Variants in RASAL3 observed in about 807,000 individuals in gnomAD.
RASAL3 encodes RAS protein activator like-3.
A neutral mutation model predicts 105.5 loss-of-function variants in RASAL3; 74 were observed. That is an observed-to-expected ratio of 0.70 (90% CI 0.58 to 0.85). RASAL3 has a LOEUF of 0.85. Among genes scored for constraint, RASAL3 ranks in the 40% least tolerant of loss-of-function variants. RASAL3 has a pLI of 0.00. For synonymous variants in RASAL3, 579 were observed against 591.6 expected, an observed-to-expected ratio of 0.98 and a Z score of 0.31; for missense variants, 1,352 against 1,392.0, an observed-to-expected ratio of 0.97 and a Z score of 0.46.
chr19:15,455,015 C>T, intron 11 of RASAL3, 122 bp from the exon 12 acceptor site: 1 of 720,044 alleles, frequency 1.4e-6, no homozygotes, highest in East Asian at 2.7e-5. Flanking sequence ...GAGAGCTATT[C>T]ATGAAGCCCA....
At chr19:15,460,583 T>G (rs1599748861) in intron 5 of RASAL3, among the ~76,000 whole-genome samples, 1 of 152,182 alleles carries the variant, frequency 6.6e-6, no homozygotes, top group Non-Finnish European at 1.5e-5. Flanking sequence ...GGACTTGCTA[T>G]GTTGCCCAGG....
At chr19:15,464,484 C>G (rs1970619620) in intron 1 of RASAL3, 21 bp downstream of exon 1, 3 of 919,050 alleles carry the variant, frequency 3.3e-6, no homozygotes, top group Non-Finnish European at 4.9e-6. Context: ...CCCCTGCCCC[C>G]ACCTCCACTC....
In RASAL3 at chr19:15,456,306, C is replaced by T; in HGVS notation, c.1577-58G>A. 5.6e-6 allele frequency: 9 copies of T among 1,593,582 alleles called. No individual in the cohort carries two copies. The highest frequency in any genetic ancestry group is 7.7e-6 in the Non-Finnish European group (9 of 1,166,852). ...GCCATGACCACCAAAACCTGCCACACCCATCCTCCAACCTTGTCTTCAGGT... is the reference window on the plus strand; with the variant it reads ...GCCATGACCACCAAAACCTGCCACATCCATCCTCCAACCTTGTCTTCAGGT... On this transcript the variant is annotated intron_variant, in intron 10 of 17. Coordinates refer to ENST00000343625, the MANE Select transcript of RASAL3 (RefSeq NM_022904.3). This position sits in a 1 kb window ranked among gnomAD's most constrained non-coding sequence, Gnocchi z 4.4.
Position 15,453,145 on chromosome 19 carries a change from G to T in RASAL3, c.2632C>A (p.Arg878=). The change falls in exon 15 of 18, where the codon CGA becomes AGA. Residue 878 remains arginine (R), a synonymous_variant. Transcript: ENST00000343625. This position sits in a 1 kb window ranked among gnomAD's most constrained non-coding sequence, Gnocchi z 4.2. ...CGGTGCGTGCCCAGTGCCTGGTTTC[G>T]GTCTTGCGGCTGGTCCATTTGGCGC... ...WQRQMDQPQD[R]NQALGTHRPV... The T allele has an allele frequency of 6.2e-7, 1 of 1,613,680 alleles. No homozygotes were observed. The highest frequency in any genetic ancestry group is 1.1e-5 in the South Asian group (1 of 91,050).
Position 15,457,770 on chromosome 19 carries a change from C to G in RASAL3, c.953G>C (p.Arg318Pro), listed in dbSNP as rs1450518854. Residue 318 changes from arginine (R) to proline (P), a missense_variant, in exon 9 of 18, where the codon CGA becomes CCA. Coordinates refer to ENST00000343625, the MANE Select transcript of RASAL3 (RefSeq NM_022904.3). This position sits in a 1 kb window ranked among gnomAD's most constrained non-coding sequence, Gnocchi z 8.6. Reference sequence around the variant, plus strand: ...CACGCCGGGTGCCCCCGCCGCTGCTCGGGGAAGCCCCTTCGCTTCGTGCAC... The same window carrying G: ...CACGCCGGGTGCCCCCGCCGCTGCTGGGGGAAGCCCCTTCGCTTCGTGCAC... ...VWVHEAKGLP[R>P]AAAGAPGVRA... 6.5e-7 allele frequency: 1 copy of G among 1,547,000 alleles called. No individual in the cohort carries two copies. The highest frequency in any genetic ancestry group is 1.2e-5 in the South Asian group (1 of 83,914).
chr19:15,461,645 GT>G, intron 2 of RASAL3, 38 bp from the exon 3 acceptor site: 1 of 1,473,730 alleles, frequency 6.8e-7, no homozygotes, highest in Non-Finnish European at 9.0e-7. Flanking sequence ...CTTAAGAGAC[GT>G]TTTCTCTCCC....
rs1416241231 is a variant in RASAL3 at position 15,458,124 on chromosome 19, C to T, written c.888+204G>A. 114 of 634,876 alleles carry T rather than the reference C, an allele frequency of 1.8e-4. No individual in the cohort carries two copies. The East Asian group carries it at 3.0e-3, about 17-fold the overall frequency. The allele number at this position is 634,876 out of a possible 1,614,324, so 39.3% of individuals were successfully genotyped here. On this transcript the variant is annotated intron_variant, in intron 8 of 17. Coordinates refer to ENST00000343625, the MANE Select transcript of RASAL3 (RefSeq NM_022904.3). ...GCAGGGCTTTGGGTGCATATGGGGC[C>T]GGGAGTGGACAGAAGGGGCGGGTCT...
rs917291244 is a variant in RASAL3, at chr19:15,457,049, C to G, written c.1431+243G>C. On this transcript the variant is annotated intron_variant, in intron 9 of 17. Coordinates refer to ENST00000343625, the MANE Select transcript of RASAL3 (RefSeq NM_022904.3). This position sits in a 1 kb window ranked among gnomAD's most constrained non-coding sequence, Gnocchi z 8.6. ...GCCCCAGCCCCTCACAGCTGACGCT[C>G]AGGTCCCGCCCTTCAAGGTGCCCCG... is the stretch of plus-strand genomic sequence containing the variant. 6.6e-6 allele frequency among the ~76,000 whole-genome samples: 1 copy of G among 151,090 alleles called. No homozygotes were observed. The highest frequency in any genetic ancestry group is 1.5e-5 in the Non-Finnish European group (1 of 67,652).
Position 15,457,040 on chromosome 19 carries a change from G to T in RASAL3, c.1431+252C>A. The stretch of plus-strand genomic sequence containing the variant: ...TGCAGCTCAGCCCCAGCCCCTCACA[G>T]CTGACGCTCAGGTCCCGCCCTTCAA... On this transcript the variant is annotated intron_variant, in intron 9 of 17. Coordinates refer to ENST00000343625, the MANE Select transcript of RASAL3 (RefSeq NM_022904.3). This position sits in a 1 kb window ranked among gnomAD's most constrained non-coding sequence, Gnocchi z 8.6. The T allele has an allele frequency of 2.4e-6, 1 of 422,776 alleles. No individual in the cohort carries two copies. The allele number at this position is 422,776 out of a possible 1,614,324, so 26.2% of individuals were successfully genotyped here. A position where few individuals can be genotyped will look rare whatever the true frequency, so the allele number is the denominator to read the frequency against.
At chr19:15,459,626 T>A (rs908523736) in intron 6 of RASAL3, among the ~76,000 whole-genome samples, 2 of 151,914 alleles carry the variant, frequency 1.3e-5, no homozygotes, top group Admixed American at 1.3e-4. Context: ...CAGCCTCAAC[T>A]TCCCAGGCTC....
chr19:15,460,724 C>T (rs927998081), intron 5 of RASAL3, among the ~76,000 whole-genome samples: 1 of 152,110 alleles, frequency 6.6e-6, no homozygotes, highest in Non-Finnish European at 1.5e-5. Flanking sequence ...TTCTCCTATA[C>T]TATTCATTTA....
Position 15,451,884 on chromosome 19 carries a change from G to T in RASAL3, c.2947C>A (p.Gln983Lys). The change falls in exon 18 of 18, where the codon CAG becomes AAG. Residue 983 changes from glutamine (Q) to lysine (K), a missense_variant. Around this residue, in one of 3 missense-constraint regions of RASAL3, gnomAD observed 920 missense variants for 919.6 expected, o/e 1.00. Coordinates refer to ENST00000343625, the MANE Select transcript of RASAL3 (RefSeq NM_022904.3). ...RTQAQLRDAVQSLQLSPRTRG... is the reference protein window; with the variant it reads ...RTQAQLRDAVKSLQLSPRTRG... ...GTCCTTGGAGAAAGCTGCAGGCTCT[G>T]GACAGCATCCCTCAGCTGAGCCTGA... is the stretch of plus-strand genomic sequence containing the variant. 1 of 1,609,428 alleles carries T rather than the reference G, an allele frequency of 6.2e-7. No homozygotes were observed. Among genetic ancestry groups the T allele is most frequent in the Non-Finnish European group, 8.5e-7 (1 of 1,176,224 alleles).
Position 15,456,852 on chromosome 19 carries a change from A to C in RASAL3, c.1432-206T>G, listed in dbSNP as rs533782353. ...TTTAAGCCTTTCAGCGCTGAGGTGC[A>C]ACCTGGGCCCCGCCCCTCACGCGTG... On this transcript the variant is annotated intron_variant, in intron 9 of 17. Transcript: ENST00000343625. The surrounding 1 kb of genome is among the most constrained non-coding windows in gnomAD (Gnocchi z 4.4). The C allele has an allele frequency of 1.6e-6, 1 of 638,310 alleles. No individual in the cohort carries two copies. Among genetic ancestry groups the C allele is most frequent in the Non-Finnish European group, 2.7e-6 (1 of 374,816 alleles). 39.5% of individuals were successfully genotyped at this position (638,310 alleles called of 1,614,324 possible).
In RASAL3 at chr19:15,458,438, G is replaced by C. The variant is rs200733775; in HGVS notation, c.790-12C>G. The C allele has an allele frequency of 7.3e-5, 117 of 1,613,568 alleles. No individual in the cohort carries two copies. In the African/African-American group the frequency reaches 1.5e-3, roughly 20 times the overall value. On this transcript the variant is annotated splice_polypyrimidine_tract_variant and intron_variant, in intron 7 of 17. Coordinates refer to ENST00000343625, the MANE Select transcript of RASAL3 (RefSeq NM_022904.3). ...CCCGTCCAGGTTACCTGTTGGGATG[G>C]AGAATCCAACGGTGTGATCGAGGCC...
rs903306751 is a variant in RASAL3, at chr19:15,456,263, A to T, written c.1577-15T>A. 12 of 1,611,246 alleles carry T rather than the reference A, an allele frequency of 7.4e-6. No homozygotes were observed. In the Admixed American group the frequency reaches 1.5e-4, roughly 20 times the overall value. ...CACAACCTGTCCTGCAGCCCAGCAC[A>T]GCCAGATAGGGGCTGGGGCCATGAC... On this transcript the variant is annotated splice_polypyrimidine_tract_variant and intron_variant, in intron 10 of 17. Transcript: ENST00000343625. This position sits in a 1 kb window ranked among gnomAD's most constrained non-coding sequence, Gnocchi z 4.4.
At chr19:15,463,986 C>G (rs754930042) in intron 2 of RASAL3, 45 bp downstream of exon 2, 1 of 1,491,294 alleles carries the variant, frequency 6.7e-7, no homozygotes, top group Non-Finnish European at 8.9e-7. Flanking sequence ...CCCAAGCATC[C>G]GGCTTCCCAG....
rs866474978 is a variant in RASAL3 at position 15,454,470 on chromosome 19, A to G, written c.2051T>C (p.Met684Thr). The change falls in exon 13 of 18, where the codon ATG becomes ACG. Residue 684 changes from methionine (M) to threonine (T), a missense_variant. Physicochemically the swap from Met to Thr is moderately conservative, Grantham distance 81. Coordinates refer to ENST00000343625, the MANE Select transcript of RASAL3 (RefSeq NM_022904.3). ...AMQCFLDQVA[M>T]VDVDAAPSGY... The stretch of plus-strand genomic sequence containing the variant: ...ACTGGGGGCAGCATCCACATCCACC[A>G]TGGCTACCTGGTCCAGGAAGCATTG... 1.9e-6 allele frequency: 3 copies of G among 1,613,820 alleles called. No individual in the cohort carries two copies. The African/African-American group carries it at 4.0e-5, about 22-fold the overall frequency.
rs1970318067 is a variant in RASAL3, at chr19:15,456,317, A to G, written c.1577-69T>C. The G allele has an allele frequency of 6.3e-7, 1 of 1,585,634 alleles. No individual in the cohort carries two copies. Among genetic ancestry groups the G allele is most frequent in the Admixed American group, 1.7e-5 (1 of 57,632 alleles). On this transcript the variant is annotated intron_variant, in intron 10 of 17. Coordinates refer to ENST00000343625, the MANE Select transcript of RASAL3 (RefSeq NM_022904.3). The surrounding 1 kb of genome is among the most constrained non-coding windows in gnomAD (Gnocchi z 4.4). ...CAAAACCTGCCACACCCATCCTCCA[A>G]CCTTGTCTTCAGGTTATTCCGGAGG...
intron 6 of RASAL3, 135 bp from the exon 7 acceptor site, chr19:15,458,790 C>A: frequency 3.4e-6 from 4 of 1,187,650 alleles, no homozygotes; most frequent in Non-Finnish European, 4.6e-6. Context: ...CCCCCACCCC[C>A]CGCCATGGCA....
Sources: allele counts gnomAD v4.1 joint callset (sites outside exome capture counted in the v4.1 genomes callset), GRCh38; gene constraint gnomAD v4.1.1; regional missense constraint gnomAD v4.1.1; non-coding constraint Gnocchi (gnomAD v3.1); transcripts MANE v1.5; gene names NCBI Gene and HGNC (gene_info 2026-07-23, HGNC 2026-07-21).